Variants in VGLL3 observed in about 807,000 individuals in gnomAD.
The protein encoded by VGLL3 is transcription cofactor vestigial-like protein 3.
Under a neutral mutation model 29.2 loss-of-function variants are expected in VGLL3, and 18 were observed. That is an observed-to-expected ratio of 0.62 (90% CI 0.43 to 0.91). The LOEUF (loss-of-function observed/expected upper bound fraction) is 0.91. Among genes scored for constraint, VGLL3 ranks in the 40% least tolerant of loss-of-function variants. The pLI is 0.00. For missense variants in VGLL3, 440 were observed against 413.2 expected (o/e 1.06, Z -0.56); for synonymous variants, 180 against 151.8 (o/e 1.19, Z -1.36).
Position 86,941,149 on chromosome 3 carries a change from A to G in VGLL3, c.*5875T>C, listed in dbSNP as rs1289036857. 6.6e-6 allele frequency: 1 copy of G among 152,342 alleles called. No homozygotes were observed. The highest frequency in any genetic ancestry group is 1.5e-5 in the Non-Finnish European group (1 of 67,874). The allele number at this position is 152,342 out of a possible 1,614,324, so 9.4% of individuals were successfully genotyped here. On this transcript the variant is annotated 3_prime_UTR_variant, in exon 4 of 4. Coordinates refer to ENST00000398399, the MANE Select transcript of VGLL3 (RefSeq NM_016206.4). ...TATGTACTTCAAAGTGATACAAAGA[A>G]TTCACATGAAAACCTTTCCCTATGT... is the stretch of plus-strand genomic sequence containing the variant.
At chr3:86,948,558 C>A (rs1251888064) in intron 3 of VGLL3, among the ~76,000 whole-genome samples, 2 of 147,858 alleles carry the variant, frequency 1.4e-5, no homozygotes, top group Non-Finnish European at 1.5e-5. Context: ...GCACATGTAC[C>A]CTAAAACTTT....
intron 3 of VGLL3, among the ~76,000 whole-genome samples, chr3:86,960,145 T>C (rs1435373313): frequency 6.6e-6 from 1 of 152,190 alleles, no homozygotes; most frequent in Non-Finnish European, 1.5e-5. Context: ...TTAATTAGTA[T>C]GTTCCAAAGT....
intron 3 of VGLL3, among the ~76,000 whole-genome samples, chr3:86,955,380 CTTTTT>C (rs67190879): frequency 7.6e-6 from 1 of 131,706 alleles, no homozygotes; most frequent in Non-Finnish European, 1.6e-5. Context: ...CTCTCTCTCT[CTTTTT>C]TTTTTTTTTT....
At chr3:86,988,938 G>A (rs1199417190) in intron 1 of VGLL3, among the ~76,000 whole-genome samples, 3 of 151,134 alleles carry the variant, frequency 2.0e-5, no homozygotes, top group East Asian at 3.9e-4. Context: ...GTATGTTGAC[G>A]GTTTTAGCAA....
chr3:86,969,166 A>C, intron 2 of VGLL3, 43 bp from the exon 3 acceptor site: 2 of 1,522,216 alleles, frequency 1.3e-6, no homozygotes, highest in Non-Finnish European at 1.8e-6. Flanking sequence ...CATAAGACTC[A>C]GTTTTGGGAT....
At chr3:86,966,688 G>A (rs1704966549) in intron 3 of VGLL3, among the ~76,000 whole-genome samples, 1 of 148,468 alleles carries the variant, frequency 6.7e-6, no homozygotes, top group African/African-American at 2.5e-5. Flanking sequence ...GTAGTTTTCT[G>A]AGCCTCAGGT....
intron 3 of VGLL3, among the ~76,000 whole-genome samples, chr3:86,956,771 C>T (rs1229423412): frequency 7.8e-6 from 1 of 128,542 alleles, no homozygotes; most frequent in African/African-American, 3.0e-5. Context: ...GGCGACAGAG[C>T]GAGACTCCGT....
At position 86,991,082 on chromosome 3, in the gene VGLL3, C is replaced by G. The variant is rs947255297; in HGVS notation, c.-339G>C. The G allele has an allele frequency of 3.0e-6, 1 of 332,272 alleles. No homozygotes were observed. Among genetic ancestry groups the G allele is most frequent in the Non-Finnish European group, 4.3e-6 (1 of 231,678 alleles). The allele number at this position is 332,272 out of a possible 1,614,324, so 20.6% of individuals were successfully genotyped here. On this transcript the variant is annotated 5_prime_UTR_variant, in exon 1 of 4. Coordinates refer to ENST00000398399, the MANE Select transcript of VGLL3 (RefSeq NM_016206.4). ...GAGGGCTGCGGCGCCCACGGCAGCG[C>G]CAGTCACAGCCACAGCCCAGGCCCG... is the stretch of plus-strand genomic sequence containing the variant.
chr3:86,964,010 A>G (rs1704910351), intron 3 of VGLL3, among the ~76,000 whole-genome samples: 1 of 152,248 alleles, frequency 6.6e-6, no homozygotes, highest in South Asian at 2.1e-4. Flanking sequence ...ACTGAGGGTC[A>G]GCAACTACCC....
At position 86,973,111 on chromosome 3, in the gene VGLL3, A is replaced by T. The variant is rs568320892; in HGVS notation, c.404-3988T>A. Among the ~76,000 whole-genome samples the T allele has an allele frequency of 4.3e-3, 653 of 152,216 alleles. 6 individuals are homozygous for T. Among genetic ancestry groups the T allele is most frequent in the African/African-American group, 0.015 (606 of 41,536 alleles). ...CACATTACCTCCAAAAAAATTTTTT[A>T]AAATCTCCGAGTAAAAAATTTAAGA... On this transcript the variant is annotated intron_variant, in intron 2 of 3. Transcript: ENST00000398399.
At chr3:86,980,062 T>A (rs1475672722) in intron 1 of VGLL3, among the ~76,000 whole-genome samples, 1 of 152,054 alleles carries the variant, frequency 6.6e-6, no homozygotes, top group Non-Finnish European at 1.5e-5. Context: ...AAATGTATTA[T>A]TCTAGTGACG....
Position 86,939,367 on chromosome 3 carries a change from C to T in VGLL3, c.*7657G>A, listed in dbSNP as rs980280632. ...TTGAGCATGGCGCAATGGCTTATGC[C>T]TGTAATCCCAACACTTTGGGAGGCC... On this transcript the variant is annotated 3_prime_UTR_variant, in exon 4 of 4. Coordinates refer to ENST00000398399, the MANE Select transcript of VGLL3 (RefSeq NM_016206.4). 4 of 152,276 alleles carry T rather than the reference C, an allele frequency of 2.6e-5. No individual in the cohort carries two copies. The highest frequency in any genetic ancestry group is 9.7e-5 in the African/African-American group (4 of 41,442). The allele number at this position is 152,276 out of a possible 1,614,324, so 9.4% of individuals were successfully genotyped here.
At chr3:86,969,268 G>T in intron 2 of VGLL3, 145 bp from the exon 3 acceptor site, 1 of 1,047,814 alleles carries the variant, frequency 9.5e-7, no homozygotes, top group Non-Finnish European at 1.3e-6. Flanking sequence ...AAACAGGGGT[G>T]AATTGATACC....
At chr3:86,950,414 G>C (rs530025526) in intron 3 of VGLL3, among the ~76,000 whole-genome samples, 2 of 152,064 alleles carry the variant, frequency 1.3e-5, no homozygotes, top group African/African-American at 2.4e-5. Context: ...GAGAATTTAC[G>C]CAATCATTGA....
rs375138804 is a variant in VGLL3 at position 86,940,563 on chromosome 3, G to A, written c.*6461C>T. ...ATAAGATGCTTAATTGAATAAGGAG[G>A]AAACAAAAAGAGCTTTAAATTCTCA... On this transcript the variant is annotated 3_prime_UTR_variant, in exon 4 of 4. Transcript: ENST00000398399. 6 of 152,514 alleles carry A rather than the reference G, an allele frequency of 3.9e-5. No homozygotes were observed. In the South Asian group the frequency reaches 1.2e-3, roughly 32 times the overall value. The allele number at this position is 152,514 out of a possible 1,614,324, so 9.4% of individuals were successfully genotyped here.
chr3:86,967,861 T>A (rs1422108424), intron 3 of VGLL3, among the ~76,000 whole-genome samples: 1 of 152,196 alleles, frequency 6.6e-6, no homozygotes, highest in Non-Finnish European at 1.5e-5. Flanking sequence ...AACTATTGAA[T>A]TCCAGACAGG....
At chr3:86,956,457 AG>A (rs1704723827) in intron 3 of VGLL3, among the ~76,000 whole-genome samples, 1 of 152,226 alleles carries the variant, frequency 6.6e-6, no homozygotes, top group African/African-American at 2.4e-5. Context: ...AACTCTCAAA[AG>A]ATGATGGCAT....
intron 3 of VGLL3, chr3:86,962,115 G>A (rs2106996524): frequency 1.0e-6 from 1 of 985,280 alleles, no homozygotes; most frequent in South Asian, 4.7e-5. Context: ...ATAAAGGAAA[G>A]GGAAAAAGCC....
At chr3:86,950,702 T>C (rs1704598596) in intron 3 of VGLL3, among the ~76,000 whole-genome samples, 1 of 152,212 alleles carries the variant, frequency 6.6e-6, no homozygotes, top group East Asian at 1.9e-4. Flanking sequence ...ACATAAATGA[T>C]GGCATAGTAG....
Sources: gnomAD v4.1 joint callset for allele counts (sites outside exome capture counted in the v4.1 genomes callset) on GRCh38, gnomAD v4.1.1 for gene constraint, MANE v1.5 for transcripts, NCBI Gene and HGNC (gene_info 2026-07-23, HGNC 2026-07-21) for gene names.